The following NAV2 variants were observed in gnomAD, a reference collection of about 807,000 sequenced individuals.
The protein encoded by NAV2 is neuron navigator 2, also known as helicase, APC down-regulated 1.
In NAV2, 54 loss-of-function variants were observed where a neutral mutation model predicts 223.2. That is an observed-to-expected ratio of 0.24 (90% CI 0.19 to 0.30). The LOEUF (loss-of-function observed/expected upper bound fraction) is 0.30, where lower values mean the gene tolerates loss of function less well. Among genes scored for constraint, NAV2 ranks in the 10% least tolerant of loss-of-function variants. NAV2 has a pLI of 1.00. For missense variants in NAV2, 2,806 were observed against 3,147.5 expected (o/e 0.89, Z 2.60); for synonymous variants, 1,279 against 1,239.3 (o/e 1.03, Z -0.67).
At chr11:20,052,612 A>G (rs1322767819) in intron 17 of NAV2, among the ~76,000 whole-genome samples, 2 of 152,262 alleles carry the variant, frequency 1.3e-5, no homozygotes, top group African/African-American at 4.8e-5. Context: ...TAGCCTATCA[A>G]AATTATGTAG....
intron 1 of NAV2, among the ~76,000 whole-genome samples, chr11:19,638,681 G>A (rs1041670464): frequency 6.6e-5 from 10 of 152,124 alleles, no homozygotes; most frequent in Admixed American, 5.9e-4. Flanking sequence ...GAAATGAGCC[G>A]AAATATACAC....
rs1306139296 is a variant in NAV2 at position 20,048,622 on chromosome 11, C to T, written c.3903-106C>T. The T allele has an allele frequency of 7.4e-6, 7 of 945,578 alleles. No individual in the cohort carries two copies. The South Asian group carries it at 9.5e-5, about 13-fold the overall frequency. The allele number at this position is 945,578 out of a possible 1,614,324, so 58.6% of individuals were successfully genotyped here. A position where few individuals can be genotyped will look rare whatever the true frequency, so the allele number is the denominator to read the frequency against. ...CATTTCAGTAGGAATGGCTGTGCTT[C>T]CTTCCCCAGGAATTCTCACCAACTC... On this transcript the variant is annotated intron_variant, in intron 14 of 37. Transcript: ENST00000349880.
At chr11:19,622,858 A>G (rs577523521) in intron 1 of NAV2, among the ~76,000 whole-genome samples, 3 of 152,270 alleles carry the variant, frequency 2.0e-5, no homozygotes, top group East Asian at 3.9e-4. Flanking sequence ...TCTTCCTAGC[A>G]TCGATGGTCT....
At chr11:19,798,065 C>T (rs2058033775) in intron 1 of NAV2, among the ~76,000 whole-genome samples, 1 of 152,118 alleles carries the variant, frequency 6.6e-6, no homozygotes, top group Admixed American at 6.6e-5. Context: ...CAGTAAAGGC[C>T]TCAGCATAGA....
chr11:20,005,509 G>T (rs966193004), intron 11 of NAV2, among the ~76,000 whole-genome samples: 1 of 150,180 alleles, frequency 6.7e-6, no homozygotes, highest in Non-Finnish European at 1.5e-5. Flanking sequence ...GCCTCCCAAA[G>T]TGCTGGGATT....
chr11:19,485,596 C>G (rs2042416375), intron 1 of NAV2, among the ~76,000 whole-genome samples: 1 of 152,132 alleles, frequency 6.6e-6, no homozygotes, highest in South Asian at 2.1e-4. Flanking sequence ...AATATGGCAC[C>G]AGGGAAGGCA....
chr11:19,693,837 C>T (rs939508738), intron 1 of NAV2, among the ~76,000 whole-genome samples: 1 of 152,154 alleles, frequency 6.6e-6, no homozygotes, highest in African/African-American at 2.4e-5. Context: ...GAGTAGACTA[C>T]GGTCTTCTTT....
intron 1 of NAV2, among the ~76,000 whole-genome samples, chr11:19,475,161 C>A (rs2042079030): frequency 6.6e-6 from 1 of 152,240 alleles, no homozygotes; most frequent in Non-Finnish European, 1.5e-5. Flanking sequence ...GATTCCGGAC[C>A]ATTCCAGGTG....
Position 19,879,927 on chromosome 11 carries a change from C to T in NAV2, c.570C>T (p.Tyr190=), listed in dbSNP as rs1272981001. ...ILGLFFSLSR[Y]KQQQQQPQKQ... ...GCCTCTTCTTCAGCCTCTCCCGATA[C>T]AAGCAGCAGCAGCAGCAGCCCCAGA... Residue 190 remains tyrosine, a synonymous_variant, in exon 5 of 38, where the codon TAC becomes TAT. Coordinates refer to ENST00000349880, the MANE Select transcript of NAV2 (RefSeq NM_145117.5). The T allele has an allele frequency of 6.2e-7, 1 of 1,613,600 alleles. No homozygotes were observed. The highest frequency in any genetic ancestry group is 1.7e-5 in the Admixed American group (1 of 60,004).
At chr11:19,783,638 T>C (rs1001144636) in intron 1 of NAV2, among the ~76,000 whole-genome samples, 85 of 152,304 alleles carry the variant, frequency 5.6e-4, no homozygotes, top group African/African-American at 1.9e-3. Flanking sequence ...CTGGGGATAG[T>C]CAAACCCCCC....
intron 5 of NAV2, among the ~76,000 whole-genome samples, chr11:19,886,961 G>A (rs1275127025): frequency 6.6e-6 from 1 of 152,104 alleles, no homozygotes; most frequent in African/African-American, 2.4e-5. Flanking sequence ...AGCCTTTGAA[G>A]GCTCTTCCTT....
At chr11:19,724,223 T>A (rs2051032603) in intron 1 of NAV2, among the ~76,000 whole-genome samples, 1 of 152,192 alleles carries the variant, frequency 6.6e-6, no homozygotes, top group African/African-American at 2.4e-5. Context: ...ACCCAAGCCT[T>A]CTGACTGTGG....
intron 1 of NAV2, among the ~76,000 whole-genome samples, chr11:19,702,088 A>C (rs912109254): frequency 6.6e-6 from 1 of 152,180 alleles, no homozygotes; most frequent in Non-Finnish European, 1.5e-5. Context: ...GAGGCCACCA[A>C]CATCATTAGT....
chr11:19,785,728 G>A (rs1171494945), intron 1 of NAV2, among the ~76,000 whole-genome samples: 1 of 151,736 alleles, frequency 6.6e-6, no homozygotes, highest in African/African-American at 2.4e-5. Context: ...GGGGAGGAGT[G>A]GGAGCTATAG....
intron 37 of NAV2, among the ~76,000 whole-genome samples, chr11:20,116,080 A>G (rs2063065748): frequency 6.6e-6 from 1 of 152,258 alleles, no homozygotes; most frequent in African/African-American, 2.4e-5. Context: ...CCCATGGTTA[A>G]AGGACTATTA....
intron 1 of NAV2, among the ~76,000 whole-genome samples, chr11:19,819,156 C>T (rs1388385690): frequency 6.6e-6 from 1 of 152,130 alleles, no homozygotes; most frequent in Non-Finnish European, 1.5e-5. Context: ...ATGTATAAAA[C>T]TTGTTCTCTA....
Position 20,077,949 on chromosome 11 carries a change from A to G in NAV2, c.5068-44A>G, listed in dbSNP as rs368580601. On this transcript the variant is annotated intron_variant, in intron 23 of 37. Transcript: ENST00000349880. ...AAGTTGTACTTCAGTTGAACTCTGT[A>G]CAGAATGATTTTAGGCTGACCAATA... is the stretch of plus-strand genomic sequence containing the variant. 2.7e-6 allele frequency: 4 copies of G among 1,493,874 alleles called. No homozygotes were observed. The African/African-American group carries it at 5.5e-5, about 21-fold the overall frequency. The allele number at this position is 1,493,874 out of a possible 1,614,324, so 92.5% of individuals were successfully genotyped here. A position where few individuals can be genotyped will look rare whatever the true frequency, so the allele number is the denominator to read the frequency against.
intron 6 of NAV2, among the ~76,000 whole-genome samples, chr11:19,897,773 A>T (rs2042103697): frequency 6.6e-6 from 1 of 151,576 alleles, no homozygotes; most frequent in African/African-American, 2.4e-5. Context: ...CCTTTAGGAA[A>T]ACCTGCAAGT....
chr11:19,798,835 G>A (rs1410596132), intron 1 of NAV2, among the ~76,000 whole-genome samples: 1 of 152,200 alleles, frequency 6.6e-6, no homozygotes, highest in Non-Finnish European at 1.5e-5. Flanking sequence ...AAAGCTTGTA[G>A]TTTTCCTGGC....
Sources: allele counts gnomAD v4.1 joint callset (sites outside exome capture counted in the v4.1 genomes callset), GRCh38; gene constraint gnomAD v4.1.1; transcripts MANE v1.5; gene names NCBI Gene and HGNC (gene_info 2026-07-23, HGNC 2026-07-21).